The following EPHA6 variants were observed in gnomAD, a reference collection of about 807,000 sequenced individuals.
EPHA6 encodes the protein ephrin type-A receptor 6.
In EPHA6, 50 loss-of-function variants were observed where a neutral mutation model predicts 112.0. The observed-to-expected ratio is 0.45, with a 90% CI of 0.36 to 0.56. The LOEUF (loss-of-function observed/expected upper bound fraction) is 0.56, where lower values mean the gene tolerates loss of function less well. Ranked by LOEUF, EPHA6 falls within the 20% of genes least tolerant of loss-of-function variation. The probability of loss-of-function intolerance (pLI) is 0.00; values close to 1 mark genes in which losing one functional copy is unlikely to be tolerated. For missense variants in EPHA6, 1,280 were observed against 1,417.4 expected, an observed-to-expected ratio of 0.90 and a Z score of 1.56; for synonymous variants, 529 against 490.7, an observed-to-expected ratio of 1.08 and a Z score of -1.03.
intron 12 of EPHA6, among the ~76,000 whole-genome samples, chr3:97,601,500 CAT>C (rs1560179500): frequency 6.6e-6 from 1 of 152,110 alleles, no homozygotes; most frequent in East Asian, 1.9e-4. Context: ...TGCTGTAAAA[CAT>C]GTGTTGGCTC....
intron 5 of EPHA6, among the ~76,000 whole-genome samples, chr3:97,353,591 C>T (rs1435247172): frequency 6.6e-6 from 1 of 151,970 alleles, no homozygotes; most frequent in African/African-American, 2.4e-5. Flanking sequence ...GCTTGGGTGC[C>T]AATGTAGCTG....
chr3:97,515,548 T>C (rs2092434337), intron 10 of EPHA6, among the ~76,000 whole-genome samples: 1 of 152,212 alleles, frequency 6.6e-6, no homozygotes, highest in South Asian at 2.1e-4. Context: ...GAATTGCAAA[T>C]GTTTTTTACT....
intron 2 of EPHA6, among the ~76,000 whole-genome samples, chr3:96,966,668 G>T (rs947576178): frequency 3.9e-5 from 6 of 151,932 alleles, no homozygotes; most frequent in African/African-American, 7.2e-5. Context: ...ATTGATTAAG[G>T]ATATTTTAGT....
chr3:97,192,240 C>A (rs60639239), intron 3 of EPHA6, among the ~76,000 whole-genome samples: 2 of 151,854 alleles, frequency 1.3e-5, no homozygotes, highest in Non-Finnish European at 2.9e-5. Context: ...AGGTTCAAGC[C>A]ACTCTGGTGC....
intron 10 of EPHA6, among the ~76,000 whole-genome samples, chr3:97,494,865 A>G (rs2107534447): frequency 6.6e-6 from 1 of 152,350 alleles, no homozygotes; most frequent in South Asian, 2.1e-4. Context: ...TTCTTTGTTC[A>G]GCCTAAATTG....
intron 6 of EPHA6, among the ~76,000 whole-genome samples, chr3:97,432,080 G>A (rs1180106873): frequency 1.3e-5 from 2 of 152,044 alleles, no homozygotes; most frequent in East Asian, 1.9e-4. Context: ...ACCTCAAGAC[G>A]TTGATGTTAT....
At chr3:97,452,302 C>G (rs2090554421) in intron 7 of EPHA6, among the ~76,000 whole-genome samples, 1 of 151,724 alleles carries the variant, frequency 6.6e-6, no homozygotes, top group Non-Finnish European at 1.5e-5. Flanking sequence ...TATTGGTTTC[C>G]CCTCTACCGA....
At chr3:96,929,736 G>A (rs1331214266) in intron 2 of EPHA6, among the ~76,000 whole-genome samples, 1 of 152,006 alleles carries the variant, frequency 6.6e-6, no homozygotes, top group Admixed American at 6.6e-5. Flanking sequence ...ATTTTACTGG[G>A]GTTCTCTTCA....
chr3:97,091,545 G>GA (rs1327748489), intron 3 of EPHA6, among the ~76,000 whole-genome samples: 1 of 152,074 alleles, frequency 6.6e-6, no homozygotes, highest in Non-Finnish European at 1.5e-5. Context: ...GTGTCCAAGA[G>GA]AAAAAAGTTG....
At chr3:97,153,832 A>G (rs1335739175) in intron 3 of EPHA6, among the ~76,000 whole-genome samples, 1 of 152,138 alleles carries the variant, frequency 6.6e-6, no homozygotes, top group Non-Finnish European at 1.5e-5. Context: ...AGAAATTCCA[A>G]TATGGTCAAT....
At chr3:97,513,631 TTAGAAA>T (rs1359160855) in intron 10 of EPHA6, among the ~76,000 whole-genome samples, 1 of 151,862 alleles carries the variant, frequency 6.6e-6, no homozygotes, top group Admixed American at 6.6e-5. Flanking sequence ...AGTTGATCTC[TTAGAAA>T]TAGAGCATAG....
At chr3:97,737,689 T>G (rs1041219259) in intron 16 of EPHA6, among the ~76,000 whole-genome samples, 1 of 152,058 alleles carries the variant, frequency 6.6e-6, no homozygotes, top group Non-Finnish European at 1.5e-5. Flanking sequence ...CAGTTATATT[T>G]ATAGGTTGAA....
chr3:97,457,202 A>C (rs551163110), intron 7 of EPHA6, among the ~76,000 whole-genome samples: 65 of 152,346 alleles, frequency 4.3e-4, no homozygotes, highest in African/African-American at 1.3e-3. Flanking sequence ...TGTGTTGTTC[A>C]GCAAGTACCG....
chr3:97,326,838 C>T (rs2082452312), intron 5 of EPHA6, among the ~76,000 whole-genome samples: 1 of 152,042 alleles, frequency 6.6e-6, no homozygotes, highest in Non-Finnish European at 1.5e-5. Context: ...ATTGCAGATC[C>T]TCTGAAATTA....
chr3:97,624,669 C>A (rs1027343851), intron 13 of EPHA6, among the ~76,000 whole-genome samples: 1 of 151,520 alleles, frequency 6.6e-6, no homozygotes, highest in Non-Finnish European at 1.5e-5. Flanking sequence ...ATAAAGCCAT[C>A]ATCATCAGGT....
chr3:97,031,431 C>A (rs2044836535), intron 3 of EPHA6, among the ~76,000 whole-genome samples: 1 of 151,960 alleles, frequency 6.6e-6, no homozygotes, highest in Non-Finnish European at 1.5e-5. Context: ...GCAACAAAAG[C>A]CAAAATTGAC....
intron 2 of EPHA6, among the ~76,000 whole-genome samples, chr3:96,931,286 T>G (rs1011840630): frequency 7.3e-5 from 11 of 151,148 alleles, no homozygotes; most frequent in African/African-American, 2.4e-4. Context: ...GGTCCTGCTT[T>G]AAGAAGCAGC....
At chr3:97,330,811 C>T (rs2082759423) in intron 5 of EPHA6, among the ~76,000 whole-genome samples, 1 of 151,966 alleles carries the variant, frequency 6.6e-6, no homozygotes, top group Non-Finnish European at 1.5e-5. Flanking sequence ...ACTTTAACAC[C>T]CCACTGTCAA....
At chr3:97,224,445 T>A (rs1304118764) in intron 3 of EPHA6, among the ~76,000 whole-genome samples, 1 of 152,198 alleles carries the variant, frequency 6.6e-6, no homozygotes, top group Non-Finnish European at 1.5e-5. Context: ...ATTTAAATTC[T>A]TGTTTTAGCT....
Sources: allele counts gnomAD v4.1 joint callset (sites outside exome capture counted in the v4.1 genomes callset), GRCh38; gene constraint gnomAD v4.1.1; transcripts MANE v1.5; gene names NCBI Gene and HGNC (gene_info 2026-07-23, HGNC 2026-07-21).